Variants in XPNPEP1 observed in about 807,000 individuals in gnomAD.
The protein encoded by XPNPEP1 is X-prolyl aminopeptidase 1.
A neutral mutation model predicts 92.4 loss-of-function variants in XPNPEP1; 39 were observed. The ratio of observed to expected loss-of-function variants is 0.42; its 90% CI spans 0.33 to 0.55. The LOEUF is 0.55. Among genes scored for constraint, XPNPEP1 ranks in the 20% least tolerant of loss-of-function variants. The probability of loss-of-function intolerance (pLI) is 0.08; values close to 1 mark genes in which losing one functional copy is unlikely to be tolerated. For missense variants in XPNPEP1, 654 were observed against 856.1 expected, an observed-to-expected ratio of 0.76 and a Z score of 2.95; for synonymous variants, 307 against 299.4, an observed-to-expected ratio of 1.03 and a Z score of -0.26.
At chr10:109,897,658 C>CTT (rs11406139) in intron 3 of XPNPEP1, among the ~76,000 whole-genome samples, 15 of 146,578 alleles carry the variant, frequency 1.0e-4, no homozygotes, top group Admixed American at 2.0e-4. Flanking sequence ...TCAGGTCTGA[C>CTT]TTTTTTTTTT....
chr10:109,916,911 G>A (rs556405225), intron 1 of XPNPEP1, among the ~76,000 whole-genome samples: 4 of 152,214 alleles, frequency 2.6e-5, no homozygotes, highest in East Asian at 3.9e-4. Context: ...GAAAAAGCAC[G>A]ACAAAATCCA....
At chr10:109,907,954 A>G in intron 2 of XPNPEP1, 139 bp from the exon 3 acceptor site, 1 of 1,236,786 alleles carries the variant, frequency 8.1e-7, no homozygotes, top group South Asian at 1.5e-5. Flanking sequence ...TCACTCCACC[A>G]CCAGACCAAG....
chr10:109,899,642 G>T (rs144781209), intron 3 of XPNPEP1, among the ~76,000 whole-genome samples: 2 of 152,318 alleles, frequency 1.3e-5, no homozygotes, highest in East Asian at 3.9e-4. Context: ...AAACAAAACA[G>T]GAAGCTGACT....
chr10:109,908,148 T>C (rs142905723), intron 2 of XPNPEP1, among the ~76,000 whole-genome samples: 2,542 of 152,310 alleles, frequency 0.017, 36 homozygotes, highest in South Asian at 0.098. Context: ...TCTTTGTTTA[T>C]AGTAGAAAAA....
At chr10:109,868,846 AC>A (rs1589537739) in intron 19 of XPNPEP1, 134 bp from the exon 20 acceptor site, 1 of 747,504 alleles carries the variant, frequency 1.3e-6, no homozygotes, top group Middle Eastern at 2.4e-4. Flanking sequence ...GCTGGTCACC[AC>A]TTTTCACAGA....
chr10:109,922,105 T>C (rs1850574779), intron 1 of XPNPEP1, among the ~76,000 whole-genome samples: 1 of 151,998 alleles, frequency 6.6e-6, no homozygotes, highest in Non-Finnish European at 1.5e-5. Flanking sequence ...TCAATTTGAG[T>C]TCAGTTTCCA....
rs1052432146 is a variant in XPNPEP1 at position 109,865,174 on chromosome 10, G to A, written c.*10C>T. The A allele has an allele frequency of 1.9e-6, 3 of 1,613,952 alleles. No individual in the cohort carries two copies. The highest frequency in any genetic ancestry group is 2.5e-6 in the Non-Finnish European group (3 of 1,179,952). On this transcript the variant is annotated 3_prime_UTR_variant, in exon 21 of 21. Transcript: ENST00000502935. ...AGCATTTTACAAAAACAAAACCGGGGAGGTATTTATTAATGCTGTTTGGAG... is the reference window on the plus strand; with the variant it reads ...AGCATTTTACAAAAACAAAACCGGGAAGGTATTTATTAATGCTGTTTGGAG...
intron 1 of XPNPEP1, among the ~76,000 whole-genome samples, chr10:109,917,164 G>T (rs563270184): frequency 4.6e-5 from 7 of 152,090 alleles, no homozygotes; most frequent in African/African-American, 1.7e-4. Flanking sequence ...GAAACAAAAG[G>T]CATCCAGTTT....
chr10:109,888,231 C>T (rs1464232968), intron 6 of XPNPEP1, 39 bp from the exon 7 acceptor site: 2 of 1,598,296 alleles, frequency 1.3e-6, no homozygotes, highest in African/African-American at 1.3e-5. Flanking sequence ...GAGCCGAACG[C>T]CCATTGCAGC....
At chr10:109,923,022 G>C (rs1564803386) in intron 1 of XPNPEP1, among the ~76,000 whole-genome samples, 1 of 152,198 alleles carries the variant, frequency 6.6e-6, no homozygotes, top group African/African-American at 2.4e-5. Context: ...CAGAAGCGAG[G>C]GCAAAGGCTC....
intron 19 of XPNPEP1, 82 bp downstream of exon 19, chr10:109,869,871 G>T: frequency 7.3e-7 from 1 of 1,376,080 alleles, no homozygotes; most frequent in Non-Finnish European, 1.0e-6. Flanking sequence ...TTTGCGCAGT[G>T]GCAGTATTGT....
chr10:109,875,076 T>C (rs576546078), intron 15 of XPNPEP1, among the ~76,000 whole-genome samples: 4 of 152,332 alleles, frequency 2.6e-5, no homozygotes, highest in Admixed American at 6.5e-5. Flanking sequence ...CCAGAGATGA[T>C]AGCCGTGAAA....
intron 9 of XPNPEP1, chr10:109,883,852 T>C: frequency 2.0e-6 from 1 of 488,252 alleles, no homozygotes; most frequent in Non-Finnish European, 3.6e-6. Flanking sequence ...GACACTTTCA[T>C]GCGTTTCAAA....
At chr10:109,921,554 G>A (rs750555841) in intron 1 of XPNPEP1, among the ~76,000 whole-genome samples, 4 of 152,200 alleles carry the variant, frequency 2.6e-5, no homozygotes, top group African/African-American at 7.2e-5. Flanking sequence ...CATGTGTAGC[G>A]TTCAGCATGG....
intron 16 of XPNPEP1, 53 bp downstream of exon 16, chr10:109,873,314 G>A: frequency 1.3e-6 from 2 of 1,589,266 alleles, no homozygotes; most frequent in Non-Finnish European, 1.7e-6. Flanking sequence ...TAAAAGCAAT[G>A]CTCTTCTTAA....
At chr10:109,888,749 C>T (rs1406416233) in intron 5 of XPNPEP1, among the ~76,000 whole-genome samples, 154 bp from the exon 6 acceptor site, 2 of 152,128 alleles carry the variant, frequency 1.3e-5, no homozygotes, top group Non-Finnish European at 2.9e-5. Context: ...TCTGAACCTC[C>T]CTTAATCCTG....
intron 16 of XPNPEP1, 138 bp from the exon 17 acceptor site, chr10:109,871,999 C>T: frequency 4.7e-6 from 4 of 848,284 alleles, no homozygotes; most frequent in Middle Eastern, 3.3e-4. Flanking sequence ...AGAAAAAAAT[C>T]TGGTGGAAAA....
intron 5 of XPNPEP1, 45 bp downstream of exon 5, chr10:109,891,677 C>A: frequency 6.7e-7 from 1 of 1,483,566 alleles, no homozygotes. Context: ...GGATCCCTGC[C>A]CAGATCAGGC....
chr10:109,886,481 A>G, intron 7 of XPNPEP1, 140 bp from the exon 8 acceptor site: 1 of 750,644 alleles, frequency 1.3e-6, no homozygotes, highest in Non-Finnish European at 2.2e-6. Flanking sequence ...GGAGGCCTGG[A>G]TTCAAGCCCT....
Sources: allele counts gnomAD v4.1 joint callset (sites outside exome capture counted in the v4.1 genomes callset), GRCh38; gene constraint gnomAD v4.1.1; transcripts MANE v1.5; gene names NCBI Gene and HGNC (gene_info 2026-07-23, HGNC 2026-07-21).